The following GRID2 variants were observed in gnomAD, a reference collection of about 807,000 sequenced individuals.
GRID2 encodes the protein glutamate receptor ionotropic, delta-2.
Under a neutral mutation model 114.8 loss-of-function variants are expected in GRID2, and 33 were observed. The ratio of observed to expected loss-of-function variants is 0.29; its 90% confidence interval spans 0.22 to 0.38. The LOEUF is 0.38. Ranked by LOEUF, GRID2 falls within the 10% of genes least tolerant of loss-of-function variation. GRID2 has a pLI of 1.00. For missense variants in GRID2, 1,184 were observed against 1,257.7 expected (o/e 0.94, Z 0.89); for synonymous variants, 505 against 449.9 (o/e 1.12, Z -1.55).
intron 2 of GRID2, among the ~76,000 whole-genome samples, chr4:92,933,432 A>C (rs1172954264): frequency 6.6e-6 from 1 of 151,516 alleles, no homozygotes; most frequent in Non-Finnish European, 1.5e-5. Context: ...CAAACAAAAC[A>C]GAGAGAAATG....
chr4:92,539,188 A>G (rs772973747), intron 1 of GRID2, among the ~76,000 whole-genome samples: 1 of 152,202 alleles, frequency 6.6e-6, no homozygotes, highest in African/African-American at 2.4e-5. Flanking sequence ...ATTTCTTGAG[A>G]TAGATAACAT....
chr4:93,593,424 G>A (rs908987607), intron 13 of GRID2, among the ~76,000 whole-genome samples: 5 of 130,862 alleles, frequency 3.8e-5, no homozygotes, highest in Admixed American at 7.9e-5. Context: ...CGAGAGATCC[G>A]CTGTTAGTCT....
At chr4:93,282,714 G>A (rs1752775661) in intron 8 of GRID2, among the ~76,000 whole-genome samples, 2 of 151,948 alleles carry the variant, frequency 1.3e-5, no homozygotes, top group African/African-American at 2.4e-5. Flanking sequence ...CTGTTCTTGT[G>A]TTATTTATAA....
chr4:92,549,568 G>C (rs1386673449), intron 1 of GRID2, among the ~76,000 whole-genome samples: 3 of 152,134 alleles, frequency 2.0e-5, no homozygotes, highest in Non-Finnish European at 4.4e-5. Flanking sequence ...AAGGGACTGA[G>C]GGCTATTTAA....
chr4:93,160,078 C>A (rs1393765043), intron 4 of GRID2, among the ~76,000 whole-genome samples: 1 of 151,690 alleles, frequency 6.6e-6, no homozygotes, highest in African/African-American at 2.4e-5. Context: ...TATAGATAAT[C>A]TTTGGCACAT....
chr4:93,799,022 G>A (rs1008407117), intron 1 of GRID2, among the ~76,000 whole-genome samples: 5 of 152,174 alleles, frequency 3.3e-5, no homozygotes, highest in African/African-American at 4.8e-5. Flanking sequence ...CAGGAGCTCC[G>A]ATCTCAGCTC....
At chr4:93,089,156 C>T (rs1730573015) in intron 3 of GRID2, among the ~76,000 whole-genome samples, 1 of 152,086 alleles carries the variant, frequency 6.6e-6, no homozygotes, top group South Asian at 2.1e-4. Flanking sequence ...TGATCTCTTC[C>T]TGTCCTTGCT....
chr4:93,380,897 C>T lies in GRID2; in HGVS notation c.1246-14710C>T, dbSNP rs778499415. Reference sequence around the variant, plus strand: ...GATAGCTTACCTCTGTTCTACATGGCGCTCACTGGGATAGTTCAATTAGGG... The same window carrying T: ...GATAGCTTACCTCTGTTCTACATGGTGCTCACTGGGATAGTTCAATTAGGG... On this transcript the variant is annotated intron_variant, in intron 8 of 15. Transcript: ENST00000282020. Among the ~76,000 whole-genome samples, 6 of 152,106 alleles carry T rather than the reference C, an allele frequency of 3.9e-5. No homozygotes were observed. In the East Asian group the frequency reaches 9.7e-4, roughly 25 times the overall value.
At chr4:92,763,083 T>A (rs1179549063) in intron 2 of GRID2, among the ~76,000 whole-genome samples, 1 of 152,182 alleles carries the variant, frequency 6.6e-6, no homozygotes, top group Non-Finnish European at 1.5e-5. Context: ...TGCCAAGACT[T>A]TTTTTTACCC....
At chr4:93,026,973 C>T (rs1043392311) in intron 2 of GRID2, among the ~76,000 whole-genome samples, 1 of 151,808 alleles carries the variant, frequency 6.6e-6, no homozygotes, top group Non-Finnish European at 1.5e-5. Flanking sequence ...TGTACAGATG[C>T]GAAGCATAGA....
intron 2 of GRID2, among the ~76,000 whole-genome samples, chr4:92,781,681 T>A (rs1385254339): frequency 1.3e-5 from 2 of 152,058 alleles, no homozygotes; most frequent in Admixed American, 6.6e-5. Flanking sequence ...TTTTCAAACT[T>A]CTACTTTTAT....
At chr4:93,381,498 G>A (rs749312350) in intron 8 of GRID2, among the ~76,000 whole-genome samples, 117 of 152,082 alleles carry the variant, frequency 7.7e-4, no homozygotes, top group South Asian at 3.3e-3. Flanking sequence ...TGCTTCCTGC[G>A]TGACTGTCTT....
At position 93,139,892 on chromosome 4, in the gene GRID2, T is replaced by C. The variant is rs1487678679; in HGVS notation, c.735+28939T>C. 2.0e-5 allele frequency among the ~76,000 whole-genome samples: 3 copies of C among 152,156 alleles called. No individual in the cohort carries two copies. The East Asian group carries it at 5.8e-4, about 29-fold the overall frequency. Reference sequence around the variant, plus strand: ...AGTTAATGTTATGAAAATGAAAGTATATAAAATATGTCTGGATCCTTCTTG... The same window carrying C: ...AGTTAATGTTATGAAAATGAAAGTACATAAAATATGTCTGGATCCTTCTTG... On this transcript the variant is annotated intron_variant, in intron 4 of 15. Coordinates refer to ENST00000282020, the MANE Select transcript of GRID2 (RefSeq NM_001510.4).
intron 9 of GRID2, among the ~76,000 whole-genome samples, chr4:93,407,574 T>C (rs115400567): frequency 6.6e-6 from 1 of 152,196 alleles, no homozygotes. Context: ...TGAAACTGAA[T>C]ATGTGATCCT....
At chr4:92,553,592 G>T (rs1408903021) in intron 1 of GRID2, among the ~76,000 whole-genome samples, 1 of 151,588 alleles carries the variant, frequency 6.6e-6, no homozygotes, top group Non-Finnish European at 1.5e-5. Flanking sequence ...AAATTATATT[G>T]ACCACTTACA....
chr4:92,605,053 G>C (rs1052634479), intron 2 of GRID2, among the ~76,000 whole-genome samples: 3 of 152,016 alleles, frequency 2.0e-5, no homozygotes, highest in Admixed American at 2.0e-4. Context: ...TGAAGAAGAT[G>C]CCTTGCTTCC....
chr4:93,005,424 G>A (rs79473044), intron 2 of GRID2, among the ~76,000 whole-genome samples: 2,354 of 152,112 alleles, frequency 0.015, 24 homozygotes, highest in East Asian at 0.053. Context: ...GTCACTTAGA[G>A]TACTGCAATA....
chr4:93,647,177 G>A (rs941161065), intron 14 of GRID2, among the ~76,000 whole-genome samples: 6 of 152,154 alleles, frequency 3.9e-5, no homozygotes, highest in Admixed American at 6.5e-5. Context: ...ACACTGAAGT[G>A]GGTGGGAAGA....
At chr4:92,606,815 T>G (rs1490535550) in intron 2 of GRID2, among the ~76,000 whole-genome samples, 1 of 152,042 alleles carries the variant, frequency 6.6e-6, no homozygotes, top group African/African-American at 2.4e-5. Flanking sequence ...ATTTGTCTAA[T>G]CTAATCAGAA....
Sources: gnomAD v4.1 joint callset for allele counts (sites outside exome capture counted in the v4.1 genomes callset) on GRCh38, gnomAD v4.1.1 for gene constraint, MANE v1.5 for transcripts, NCBI Gene and HGNC (gene_info 2026-07-23, HGNC 2026-07-21) for gene names.